BCAS3: variants seen among roughly 807,000 people sequenced by gnomAD.
The protein encoded by BCAS3 is BCAS4/BCAS3 fusion.
BCAS3 carries 53 observed loss-of-function variants against 116.1 expected under a neutral mutation model. The observed-to-expected ratio is 0.46, with a 90% CI of 0.37 to 0.57. BCAS3 has a LOEUF of 0.57. Among genes scored for constraint, BCAS3 ranks in the 20% least tolerant of loss-of-function variants. BCAS3 has a pLI of 0.00. For synonymous variants in BCAS3, 391 were observed against 408.2 expected (o/e 0.96, Z 0.51); for missense variants, 917 against 1,165.4 (o/e 0.79, Z 3.10).
At chr17:60,752,119 C>G (rs2042524711) in intron 6 of BCAS3, among the ~76,000 whole-genome samples, 1 of 150,684 alleles carries the variant, frequency 6.6e-6, no homozygotes, top group East Asian at 2.0e-4. Flanking sequence ...AGGACTGATT[C>G]AGTTTGTTTA....
At chr17:60,755,498 A>C (rs1008690930) in intron 6 of BCAS3, among the ~76,000 whole-genome samples, 8 of 152,206 alleles carry the variant, frequency 5.3e-5, no homozygotes, top group Non-Finnish European at 1.0e-4. Flanking sequence ...ATAAAAAAGA[A>C]GTACTTCAAA....
At chr17:60,938,613 C>T (rs1225144382) in intron 13 of BCAS3, among the ~76,000 whole-genome samples, 1 of 152,060 alleles carries the variant, frequency 6.6e-6, no homozygotes, top group Non-Finnish European at 1.5e-5. Flanking sequence ...CTTAGATAAA[C>T]ACCCAAACCA....
rs1474388254 is a variant in BCAS3, at chr17:61,148,777, T to C, written c.2425+64213T>C. Among the ~76,000 whole-genome samples, 3 of 152,216 alleles carry C rather than the reference T, an allele frequency of 2.0e-5. No individual in the cohort carries two copies. In the East Asian group the frequency reaches 5.8e-4, roughly 29 times the overall value. ...GTCTGTCTCCCTCCAAAAACTATGT[T>C]GTTATTGCGCTTCCTCATCTGGTTC... is the stretch of plus-strand genomic sequence containing the variant. On this transcript the variant is annotated intron_variant, in intron 22 of 23. Coordinates refer to ENST00000407086, the MANE Select transcript of BCAS3 (RefSeq NM_017679.5).
At position 61,101,704 on chromosome 17, in the gene BCAS3, C is replaced by T. The variant is rs184418574; in HGVS notation, c.2425+17140C>T. 2.6e-5 allele frequency among the ~76,000 whole-genome samples: 4 copies of T among 152,160 alleles called. No homozygotes were observed. The East Asian group carries it at 7.7e-4, about 29-fold the overall frequency. On this transcript the variant is annotated intron_variant, in intron 22 of 23. Coordinates refer to ENST00000407086, the MANE Select transcript of BCAS3 (RefSeq NM_017679.5). Reference sequence around the variant, plus strand: ...TTTTAAGAGTTGTTCAGCTCTCATCCTCTTGACTTGTGTTTTCACATTTTA... The same window carrying T: ...TTTTAAGAGTTGTTCAGCTCTCATCTTCTTGACTTGTGTTTTCACATTTTA...
intron 22 of BCAS3, among the ~76,000 whole-genome samples, chr17:61,096,990 C>A (rs1169076646): frequency 6.6e-6 from 1 of 152,104 alleles, no homozygotes; most frequent in Non-Finnish European, 1.5e-5. Context: ...AAAAGAAATG[C>A]ATGAAGGGTT....
intron 14 of BCAS3, among the ~76,000 whole-genome samples, chr17:60,952,032 A>G (rs2060870468): frequency 6.6e-6 from 1 of 151,762 alleles, no homozygotes. Flanking sequence ...TCAGCCTCCC[A>G]AAGTGTTGGG....
At chr17:61,085,849 G>A (rs541593518) in intron 22 of BCAS3, among the ~76,000 whole-genome samples, 1 of 152,272 alleles carries the variant, frequency 6.6e-6, no homozygotes, top group African/African-American at 2.4e-5. Flanking sequence ...CGTTTGGAAT[G>A]ATCGTTTACA....
chr17:60,732,236 A>G (rs2040529829), intron 5 of BCAS3, among the ~76,000 whole-genome samples: 1 of 152,144 alleles, frequency 6.6e-6, no homozygotes, highest in Non-Finnish European at 1.5e-5. Context: ...TAAACTACTG[A>G]TCTTTTTAAC....
intron 7 of BCAS3, among the ~76,000 whole-genome samples, chr17:60,811,822 CG>C (rs1163340575): frequency 1.3e-5 from 2 of 152,124 alleles, no homozygotes; most frequent in East Asian, 3.9e-4. Flanking sequence ...CCAAGGCCAG[CG>C]GATCGCTTGA....
chr17:60,955,140 G>A (rs2061051662), intron 14 of BCAS3, among the ~76,000 whole-genome samples: 1 of 151,978 alleles, frequency 6.6e-6, no homozygotes, highest in African/African-American at 2.4e-5. Flanking sequence ...ATTTTTATAT[G>A]CATAGGCCTT....
rs138259191 is a variant in BCAS3 at position 60,681,751 on chromosome 17, C to T, written c.83+2211C>T. The stretch of plus-strand genomic sequence containing the variant: ...ATACATATATATATATTTTTTGAGA[C>T]GGAGTTTCGCTCTTTTTGCCCAGGC... On this transcript the variant is annotated intron_variant, in intron 2 of 23. Coordinates refer to ENST00000407086, the MANE Select transcript of BCAS3 (RefSeq NM_017679.5). Among the ~76,000 whole-genome samples the T allele has an allele frequency of 2.1e-3, 305 of 145,468 alleles. 1 individual carries two copies. The East Asian group carries it at 0.05, about 24-fold the overall frequency.
In BCAS3 at chr17:60,764,433, C is replaced by T. The variant is rs2043874507; in HGVS notation, c.403+17154C>T. ...CTAGTTTCAAAGAACATCTTTATTT[C>T]TGCCTTCATTTAGTTATTTACCCAG... On this transcript the variant is annotated intron_variant, in intron 6 of 23. Transcript: ENST00000407086. 3.9e-5 allele frequency among the ~76,000 whole-genome samples: 6 copies of T among 152,158 alleles called. 1 individual carries two copies. The South Asian group carries it at 1.2e-3, about 32-fold the overall frequency.
At chr17:60,992,315 C>T (rs1357437193) in intron 15 of BCAS3, among the ~76,000 whole-genome samples, 1 of 151,830 alleles carries the variant, frequency 6.6e-6, no homozygotes, top group Non-Finnish European at 1.5e-5. Context: ...AATGGGACCT[C>T]TTTTTACTCC....
rs1398376988 is a variant in BCAS3 at position 61,276,165 on chromosome 17, A to G, written c.2426-92162A>G. On this transcript the variant is annotated intron_variant, in intron 22 of 23. Transcript: ENST00000407086. This position sits in a 1 kb window ranked among gnomAD's most constrained non-coding sequence, Gnocchi z 4.2. ...GGAGTTCAAGACCAGGCTGACCAAC[A>G]TGGTGAAACCCCATTTCTACTAAAG... Among the ~76,000 whole-genome samples the G allele has an allele frequency of 6.6e-6, 1 of 152,156 alleles. No individual in the cohort carries two copies. The highest frequency in any genetic ancestry group is 2.4e-5 in the African/African-American group (1 of 41,442).
chr17:61,207,288 T>C (rs2081201644), intron 22 of BCAS3, among the ~76,000 whole-genome samples: 2 of 152,248 alleles, frequency 1.3e-5, no homozygotes, highest in Non-Finnish European at 2.9e-5. Flanking sequence ...ATGATACTTA[T>C]ACATCTGTCT....
intron 22 of BCAS3, among the ~76,000 whole-genome samples, chr17:61,268,480 T>C (rs1372947869): frequency 2.6e-5 from 4 of 152,238 alleles, no homozygotes; most frequent in African/African-American, 9.6e-5. Flanking sequence ...GTATGTATAT[T>C]ATGGTACAAC....
chr17:60,982,226 G>C (rs939962474), intron 14 of BCAS3, among the ~76,000 whole-genome samples: 1 of 151,918 alleles, frequency 6.6e-6, no homozygotes, highest in African/African-American at 2.4e-5. Context: ...ATTCTACCTT[G>C]AAAACAAAAT....
rs566049025 is a variant in BCAS3, at chr17:61,239,059, A to G, written c.2426-129268A>G. On this transcript the variant is annotated intron_variant, in intron 22 of 23. Transcript: ENST00000407086. The surrounding 1 kb of genome is among the most constrained non-coding windows in gnomAD (Gnocchi z 4.2). ...TTTTTAGCAATAGAAGCAATATAGC[A>G]TACCTTTGAGCCAGTTTTTCCTAGG... 6.6e-6 allele frequency among the ~76,000 whole-genome samples: 1 copy of G among 152,344 alleles called. No homozygotes were observed. The highest frequency in any genetic ancestry group is 1.9e-4 in the East Asian group (1 of 5,188).
intron 11 of BCAS3, among the ~76,000 whole-genome samples, chr17:60,905,349 G>C (rs369843766): frequency 6.6e-6 from 1 of 152,042 alleles, no homozygotes; most frequent in East Asian, 1.9e-4. Flanking sequence ...CATTTAACAG[G>C]AGAAAATTAT....
Sources: gnomAD v4.1 joint callset for allele counts (sites outside exome capture counted in the v4.1 genomes callset) on GRCh38, gnomAD v4.1.1 for gene constraint, Gnocchi (gnomAD v3.1) non-coding constraint, MANE v1.5 for transcripts, NCBI Gene and HGNC (gene_info 2026-07-23, HGNC 2026-07-21) for gene names.